Variants in PBLD observed in about 807,000 individuals in gnomAD.
The protein encoded by PBLD is phenazine biosynthesis like protein domain containing, also known as phenazine biosynthesis-like domain-containing protein.
In PBLD, 26 loss-of-function variants were observed where a neutral mutation model predicts 31.3. That is an observed-to-expected ratio of 0.83 (90% CI 0.61 to 1.15). The LOEUF (loss-of-function observed/expected upper bound fraction) is 1.15. PBLD is among the 50% of genes most tolerant of loss of function. The pLI is 0.00. For synonymous variants in PBLD, 114 were observed against 129.0 expected (o/e 0.88, Z 0.79); for missense variants, 307 against 351.7 (o/e 0.87, Z 1.02).
chr10:68,284,270 T>C lies in PBLD; in HGVS notation c.774A>G (p.Arg258=). Residue 258 remains arginine, a synonymous_variant, in exon 10 of 10, where the codon CGA becomes CGG. Coordinates refer to ENST00000358769, the MANE Select transcript of PBLD (RefSeq NM_022129.4). ...GAAGGGAAATTCCCAGCTCTCCTCCTCGGTGGGAACACTGAAAAGCTAAAG... is the reference window on the plus strand; with the variant it reads ...GAAGGGAAATTCCCAGCTCTCCTCCCCGGTGGGAACACTGAAAAGCTAAAG... ...KEMHAFQCSH[R]GGELGISLRP... is the part of the protein sequence containing the mutation. 1 of 1,613,932 alleles carries C rather than the reference T, an allele frequency of 6.2e-7. No homozygotes were observed. Among genetic ancestry groups the C allele is most frequent in the Non-Finnish European group, 8.5e-7 (1 of 1,179,838 alleles).
At chr10:68,314,915 A>C (rs2044717118) in intron 1 of PBLD, among the ~76,000 whole-genome samples, 1 of 151,912 alleles carries the variant, frequency 6.6e-6, no homozygotes, top group Admixed American at 6.6e-5. Flanking sequence ...TCAGCCTCCC[A>C]AGTAGTTGGG....
At chr10:68,322,059 T>C (rs1193549539) in intron 1 of PBLD, among the ~76,000 whole-genome samples, 1 of 152,124 alleles carries the variant, frequency 6.6e-6, no homozygotes, top group African/African-American at 2.4e-5. Flanking sequence ...AACTTTACAG[T>C]GGAGAAACCT....
intron 1 of PBLD, among the ~76,000 whole-genome samples, chr10:68,332,513 A>G (rs2045211053): frequency 6.6e-6 from 1 of 152,192 alleles, no homozygotes; most frequent in African/African-American, 2.4e-5. Flanking sequence ...TTTTGGGTAC[A>G]GTGGCGCGGC....
At chr10:68,315,690 C>T (rs1353661907) in intron 1 of PBLD, among the ~76,000 whole-genome samples, 2 of 151,590 alleles carry the variant, frequency 1.3e-5, no homozygotes, top group East Asian at 3.9e-4. Context: ...ATGCAGAAAA[C>T]CTGAAGAAAC....
intron 1 of PBLD, among the ~76,000 whole-genome samples, chr10:68,311,110 G>T (rs529088318): frequency 6.6e-6 from 1 of 152,066 alleles, no homozygotes; most frequent in Non-Finnish European, 1.5e-5. Context: ...AACGTACACC[G>T]CTGAAAGCAC....
intron 1 of PBLD, among the ~76,000 whole-genome samples, chr10:68,330,485 C>T (rs1039946701): frequency 6.6e-6 from 1 of 152,288 alleles, no homozygotes; most frequent in African/African-American, 2.4e-5. Context: ...TAACATTACC[C>T]CATCTTCCTG....
chr10:68,327,723 T>C (rs1160499230), intron 1 of PBLD, among the ~76,000 whole-genome samples: 1 of 150,962 alleles, frequency 6.6e-6, no homozygotes, highest in African/African-American at 2.4e-5. Flanking sequence ...GGTCTATTAC[T>C]GTATTATCAA....
chr10:68,318,651 T>G (rs1048073006), intron 1 of PBLD, among the ~76,000 whole-genome samples: 2 of 152,132 alleles, frequency 1.3e-5, no homozygotes, highest in Non-Finnish European at 2.9e-5. Context: ...TGGAGCTATA[T>G]AAGTGCAGTT....
chr10:68,297,448 T>C (rs2044445188), intron 2 of PBLD, among the ~76,000 whole-genome samples: 1 of 152,164 alleles, frequency 6.6e-6, no homozygotes, highest in African/African-American at 2.4e-5. Context: ...GGTCACCTCC[T>C]CCAGTAAGCC....
rs766127383 is a variant in PBLD at position 68,288,525 on chromosome 10, A to G, written c.649T>C (p.Tyr217His). Residue 217 changes from tyrosine (Y) to histidine (H), a missense_variant, in exon 8 of 10, where the codon TAT becomes CAT. Physicochemically the swap from Tyr to His is moderately conservative, Grantham distance 83. Transcript: ENST00000358769. ...QTQAFDFYSRYFAPWVGVAED... is the reference protein window; with the variant it reads ...QTQAFDFYSRHFAPWVGVAED... ...GCCACACCAACCCACGGTGCAAAAT[A>G]TCTTGAGTAAAAGTCAAATGCTTGG... The G allele has an allele frequency of 5.6e-6, 9 of 1,614,090 alleles. No individual in the cohort carries two copies. Among genetic ancestry groups the G allele is most frequent in the African/African-American group, 1.3e-5 (1 of 74,940 alleles).
intron 4 of PBLD, among the ~76,000 whole-genome samples, chr10:68,294,059 C>T (rs1256071563): frequency 1.3e-5 from 2 of 152,136 alleles, no homozygotes; most frequent in African/African-American, 4.8e-5. Context: ...CTAAACATTT[C>T]GGAATGTTTG....
intron 8 of PBLD, among the ~76,000 whole-genome samples, chr10:68,286,082 A>ATTGTTT (rs1189723188): frequency 1.6e-5 from 1 of 63,666 alleles, no homozygotes; most frequent in African/African-American, 4.5e-5. Flanking sequence ...CCTTTGAATA[A>ATTGTTT]TTCTTTTTTT....
At chr10:68,306,662 AG>A (rs2044582996) in intron 2 of PBLD, 98 bp downstream of exon 2, 1 of 1,106,156 alleles carries the variant, frequency 9.0e-7, no homozygotes, top group African/African-American at 1.6e-5. Flanking sequence ...CACAAACCAA[AG>A]AGGTAAACAA....
At chr10:68,315,009 C>T (rs1344905934) in intron 1 of PBLD, among the ~76,000 whole-genome samples, 1 of 151,992 alleles carries the variant, frequency 6.6e-6, no homozygotes, top group Admixed American at 6.6e-5. Flanking sequence ...AGGCTGGTCT[C>T]GAACTCCTGA....
At chr10:68,319,112 G>GAAAGA (rs1564737587) in intron 1 of PBLD, among the ~76,000 whole-genome samples, 12 of 48,400 alleles carry the variant, frequency 2.5e-4, no homozygotes, top group South Asian at 9.8e-4. Flanking sequence ...AGAAAGAAAG[G>GAAAGA]AAAAAGAAAG....
chr10:68,332,371 C>T (rs1399539880), intron 1 of PBLD: 2 of 152,218 alleles, frequency 1.3e-5, no homozygotes, highest in Non-Finnish European at 2.9e-5. Context: ...CCTCCCCGAC[C>T]ATCTCCCACT....
intron 7 of PBLD, 113 bp downstream of exon 7, chr10:68,288,818 C>T (rs1390106192): frequency 7.7e-6 from 10 of 1,293,488 alleles, no homozygotes; most frequent in East Asian, 2.3e-5. Context: ...GAAAGAAACA[C>T]TCTGGCTGCG....
In PBLD at chr10:68,282,844, A is replaced by G. The variant is rs1376396323; in HGVS notation, c.*1333T>C. 1 of 152,174 alleles carries G rather than the reference A, an allele frequency of 6.6e-6. No homozygotes were observed. The highest frequency in any genetic ancestry group is 1.9e-4 in the East Asian group (1 of 5,208). The allele number at this position is 152,174 out of a possible 1,614,324, so 9.4% of individuals were successfully genotyped here. A position where few individuals can be genotyped will look rare whatever the true frequency, so the allele number is the denominator to read the frequency against. ...GCTTGCAGTTTTTGAGACGGCTGAG[A>G]ACTACCATCAATGAGATCACCTTAA... On this transcript the variant is annotated 3_prime_UTR_variant, in exon 10 of 10. Transcript: ENST00000358769.
intron 1 of PBLD, among the ~76,000 whole-genome samples, chr10:68,327,418 G>T (rs1208186977): frequency 1.3e-5 from 2 of 151,766 alleles, no homozygotes; most frequent in Non-Finnish European, 2.9e-5. Flanking sequence ...TGTGGCTCAC[G>T]CCTGTAATCC....
Sources: gnomAD v4.1 joint callset for allele counts (sites outside exome capture counted in the v4.1 genomes callset) on GRCh38, gnomAD v4.1.1 for gene constraint, MANE v1.5 for transcripts, NCBI Gene and HGNC (gene_info 2026-07-23, HGNC 2026-07-21) for gene names.